The following NSMCE1 variants were observed in gnomAD, a reference collection of about 807,000 sequenced individuals.
The protein encoded by NSMCE1 is non-structural maintenance of chromosomes element 1 homolog.
In NSMCE1, 18 loss-of-function variants were observed where a neutral mutation model predicts 29.6. The ratio of observed to expected loss-of-function variants is 0.61; its 90% confidence interval spans 0.42 to 0.90. The LOEUF (loss-of-function observed/expected upper bound fraction) is 0.90, where lower values mean the gene tolerates loss of function less well. Among genes scored for constraint, NSMCE1 ranks in the 40% least tolerant of loss-of-function variants. NSMCE1 has a pLI of 0.00. For synonymous variants in NSMCE1, 124 were observed against 133.4 expected (o/e 0.93, Z 0.49); for missense variants, 314 against 343.6 (o/e 0.91, Z 0.68).
chr16:27,237,300 C>T (rs1283534770), intron 2 of NSMCE1, among the ~76,000 whole-genome samples: 4 of 152,224 alleles, frequency 2.6e-5, no homozygotes, highest in African/African-American at 9.6e-5. Flanking sequence ...TGCCTCCATG[C>T]CCCTGCTCAC....
chr16:27,228,807 A>C (rs1230640304), intron 5 of NSMCE1, among the ~76,000 whole-genome samples: 66 of 50,634 alleles, frequency 1.3e-3, no homozygotes, highest in Admixed American at 2.3e-3. Context: ...GGCACCCCAC[A>C]CCCCCAACCA....
chr16:27,227,232 A>G (rs559602924), intron 5 of NSMCE1, among the ~76,000 whole-genome samples: 1 of 152,280 alleles, frequency 6.6e-6, no homozygotes, highest in South Asian at 2.1e-4. Context: ...TCCGCCACCC[A>G]TCCCACTCCC....
chr16:27,238,866 C>T (rs1416890639), intron 2 of NSMCE1, among the ~76,000 whole-genome samples: 2 of 151,000 alleles, frequency 1.3e-5, no homozygotes, highest in Non-Finnish European at 2.9e-5. Context: ...AATAGCATCC[C>T]GACACATTTT....
chr16:27,255,767 T>C (rs2084080670), intron 2 of NSMCE1, among the ~76,000 whole-genome samples: 1 of 152,248 alleles, frequency 6.6e-6, no homozygotes. Flanking sequence ...TCCCATTCAC[T>C]GCTCACCTCT....
chr16:27,226,860 C>A, intron 5 of NSMCE1, 24 bp from the exon 6 acceptor site: 1 of 1,446,548 alleles, frequency 6.9e-7, no homozygotes, highest in Non-Finnish European at 9.7e-7. Flanking sequence ...CAGGAGGTGG[C>A]CACCCTCAGC....
chr16:27,262,142 G>C (rs1254286320), intron 1 of NSMCE1, among the ~76,000 whole-genome samples: 1 of 151,790 alleles, frequency 6.6e-6, no homozygotes, highest in Non-Finnish European at 1.5e-5. Flanking sequence ...TACTCAGGAA[G>C]CTGAGGCAGG....
chr16:27,251,809 G>C (rs1036739086), intron 2 of NSMCE1, among the ~76,000 whole-genome samples: 1 of 152,172 alleles, frequency 6.6e-6, no homozygotes, highest in African/African-American at 2.4e-5. Context: ...TTGCTCATCA[G>C]TTCTCAGCGG....
chr16:27,226,963 AC>A (rs757801812), intron 5 of NSMCE1, 127 bp from the exon 6 acceptor site: 3 of 646,898 alleles, frequency 4.6e-6, no homozygotes, highest in African/African-American at 1.8e-5. Flanking sequence ...CTTTTCACCA[AC>A]CCCAGCCAAC....
chr16:27,258,668 T>C (rs1015760761), intron 1 of NSMCE1, among the ~76,000 whole-genome samples: 1 of 152,102 alleles, frequency 6.6e-6, no homozygotes, highest in Non-Finnish European at 1.5e-5. Flanking sequence ...GAAGCCTAAA[T>C]GAGTCACAAC....
In NSMCE1 at chr16:27,246,128, C is replaced by T. The variant is rs1318460157; in HGVS notation, c.137-10829G>A. Reference sequence around the variant, plus strand: ...AGGCAGATAAGAGAGTTGACAAAAACAGAAAATCTTTATCAAACCCCAACG... The same window carrying T: ...AGGCAGATAAGAGAGTTGACAAAAATAGAAAATCTTTATCAAACCCCAACG... On this transcript the variant is annotated intron_variant, in intron 2 of 7. Transcript: ENST00000361439. Among the ~76,000 whole-genome samples the T allele has an allele frequency of 2.6e-5, 4 of 152,298 alleles. No individual in the cohort carries two copies. The East Asian group carries it at 7.7e-4, about 29-fold the overall frequency.
intron 1 of NSMCE1, among the ~76,000 whole-genome samples, chr16:27,262,968 G>C (rs1000236847): frequency 1.3e-5 from 2 of 152,198 alleles, no homozygotes; most frequent in African/African-American, 4.8e-5. Context: ...CTGATCATTA[G>C]AGAAATGCAA....
At chr16:27,231,093 G>A (rs1396925193) in intron 5 of NSMCE1, among the ~76,000 whole-genome samples, 3 of 152,238 alleles carry the variant, frequency 2.0e-5, no homozygotes, top group Non-Finnish European at 2.9e-5. Flanking sequence ...TGGGGCACTC[G>A]GCTCTAGGGT....
intron 2 of NSMCE1, among the ~76,000 whole-genome samples, chr16:27,242,227 A>G (rs538735553): frequency 3.3e-5 from 5 of 152,234 alleles, no homozygotes; most frequent in Non-Finnish European, 7.3e-5. Flanking sequence ...ACCCTCATGA[A>G]TCTCAATCTA....
chr16:27,257,318 G>T, intron 2 of NSMCE1, 117 bp downstream of exon 2: 3 of 774,830 alleles, frequency 3.9e-6, no homozygotes, highest in Non-Finnish European at 1.9e-6. Flanking sequence ...TTGTGAAGAG[G>T]CTTGAATGCT....
chr16:27,257,237 C>G lies in NSMCE1; in HGVS notation c.136+198G>C. On this transcript the variant is annotated intron_variant, in intron 2 of 7. Transcript: ENST00000361439. ...AGACTCTAAGTTTTTATCCACAGGGCTAAATGTCAGGTTTACTTGGAAAAA... is the reference window on the plus strand; with the variant it reads ...AGACTCTAAGTTTTTATCCACAGGGGTAAATGTCAGGTTTACTTGGAAAAA... 6.6e-6 allele frequency: 3 copies of G among 455,950 alleles called. No individual in the cohort carries two copies. The South Asian group carries it at 1.5e-4, about 23-fold the overall frequency. The allele number at this position is 455,950 out of a possible 1,614,324, so 28.2% of individuals were successfully genotyped here.
In NSMCE1 at chr16:27,242,074, A is replaced by G. The variant is rs191705647; in HGVS notation, c.137-6775T>C. Among the ~76,000 whole-genome samples, 702 of 152,352 alleles carry G rather than the reference A, an allele frequency of 4.6e-3. 6 individuals are homozygous for G. The highest frequency in any genetic ancestry group is 0.016 in the African/African-American group (674 of 41,570). ...GTACAAACATAAATAAAACAAGATC[A>G]GTCCTGCGTTCATCATCGGAACTGA... On this transcript the variant is annotated intron_variant, in intron 2 of 7. Coordinates refer to ENST00000361439, the MANE Select transcript of NSMCE1 (RefSeq NM_145080.4).
chr16:27,251,392 T>C (rs1314955025), intron 2 of NSMCE1, among the ~76,000 whole-genome samples: 1 of 151,902 alleles, frequency 6.6e-6, no homozygotes, highest in African/African-American at 2.4e-5. Flanking sequence ...TTTTTCTTTT[T>C]TAGCTTAATA....
chr16:27,225,066 G>A lies in NSMCE1; in HGVS notation c.*91C>T, dbSNP rs908090435. 31 of 739,728 alleles carry A rather than the reference G, an allele frequency of 4.2e-5. No homozygotes were observed. In the South Asian group the frequency reaches 4.3e-4, roughly 10 times the overall value. The allele number at this position is 739,728 out of a possible 1,614,324, so 45.8% of individuals were successfully genotyped here. A position where few individuals can be genotyped will look rare whatever the true frequency, so the allele number is the denominator to read the frequency against. On this transcript the variant is annotated 3_prime_UTR_variant, in exon 8 of 8. Coordinates refer to ENST00000361439, the MANE Select transcript of NSMCE1 (RefSeq NM_145080.4). ...CATTAAGACGAAAGAGGTGACTCGC[G>A]TGGAACCTGAAACACGGACGCCTTT... is the stretch of plus-strand genomic sequence containing the variant.
At chr16:27,246,743 G>T (rs866958031) in intron 2 of NSMCE1, among the ~76,000 whole-genome samples, 1 of 152,176 alleles carries the variant, frequency 6.6e-6, no homozygotes, top group African/African-American at 2.4e-5. Flanking sequence ...ACCTGCTGCA[G>T]CCTCCCAAAC....
Sources: allele counts gnomAD v4.1 joint callset (sites outside exome capture counted in the v4.1 genomes callset), GRCh38; gene constraint gnomAD v4.1.1; transcripts MANE v1.5; gene names NCBI Gene and HGNC (gene_info 2026-07-23, HGNC 2026-07-21).